Variants in ULK4 observed in about 807,000 individuals in gnomAD.
ULK4 encodes inactive serine/threonine-protein kinase ULK4.
ULK4 carries 133 observed loss-of-function variants against 160.6 expected under a neutral mutation model. The observed-to-expected ratio is 0.83, with a 90% confidence interval of 0.72 to 0.96. The LOEUF is 0.96. ULK4 is among the 40% of genes least tolerant of loss of function. The pLI is 0.00. For synonymous variants in ULK4, 534 were observed against 539.8 expected (o/e 0.99, Z 0.15); for missense variants, 1,580 against 1,499.5 (o/e 1.05, Z -0.89).
chr3:41,794,685 A>AAAAAAAAAAAC (rs1553654846), intron 20 of ULK4, among the ~76,000 whole-genome samples: 13 of 129,084 alleles, frequency 1.0e-4, no homozygotes, highest in Admixed American at 2.3e-4. Flanking sequence ...AAAAAAAAAA[A>AAAAAAAAAAAC]ACACAGAAAA....
rs2040095887 is a variant in ULK4, at chr3:41,789,821, TG to T, written c.2032del (p.His678IlefsTer15). The T allele has an allele frequency of 6.2e-7, 1 of 1,611,644 alleles. No individual in the cohort carries two copies. The highest frequency in any genetic ancestry group is 1.3e-5 in the African/African-American group (1 of 74,900). ...AVSALCRITRHSPTAFQNVIE... is the reference protein window; with the variant it reads ...AVSALCRITRXSPTAFQNVIE... Reference sequence around the variant, plus strand: ...AACATTCTGGAAGGCAGTAGGAGAATGGCGAGTGATTCTACACAAGGCCTAC... The same window carrying T: ...AACATTCTGGAAGGCAGTAGGAGAATGCGAGTGATTCTACACAAGGCCTAC... On this transcript the variant is annotated frameshift_variant, in exon 21 of 37. Transcript: ENST00000301831. LOFTEE classifies it high-confidence loss of function.
chr3:41,284,789 A>C (rs1414277498), intron 35 of ULK4, among the ~76,000 whole-genome samples: 4 of 152,224 alleles, frequency 2.6e-5, no homozygotes, highest in Admixed American at 2.6e-4. Flanking sequence ...CAAAAGGAAC[A>C]GTGGGCAGAG....
intron 34 of ULK4, among the ~76,000 whole-genome samples, chr3:41,429,810 C>T (rs57918351): frequency 0.31 from 46,623 of 151,814 alleles, 7,331 homozygotes; most frequent in African/African-American, 0.33. Context: ...GGCTTAATAC[C>T]TAAGTGATGG....
intron 21 of ULK4, among the ~76,000 whole-genome samples, chr3:41,768,971 T>G (rs899679895): frequency 1.3e-5 from 2 of 152,186 alleles, no homozygotes; most frequent in Non-Finnish European, 1.5e-5. Context: ...AAAAAAATCC[T>G]AAGTCAAGCC....
chr3:41,853,901 C>G (rs576484234), intron 17 of ULK4, among the ~76,000 whole-genome samples: 3 of 152,206 alleles, frequency 2.0e-5, no homozygotes, highest in Non-Finnish European at 4.4e-5. Flanking sequence ...TGCATGTTTA[C>G]TTTCCACACA....
intron 32 of ULK4, among the ~76,000 whole-genome samples, chr3:41,495,589 G>A (rs7374081): frequency 0.38 from 55,952 of 147,530 alleles, 10,917 homozygotes; most frequent in Non-Finnish European, 0.41. Context: ...GGATCTAATT[G>A]AACTAAAGAG....
chr3:41,784,463 G>A (rs546844759), intron 21 of ULK4, among the ~76,000 whole-genome samples: 1 of 152,212 alleles, frequency 6.6e-6, no homozygotes, highest in South Asian at 2.1e-4. Context: ...AGTGTTTAGG[G>A]GGAAAAATGG....
chr3:41,956,794 C>A (rs1700499843), intron 1 of ULK4, among the ~76,000 whole-genome samples: 1 of 152,166 alleles, frequency 6.6e-6, no homozygotes, highest in Admixed American at 6.5e-5. Context: ...CATAGCCACA[C>A]CCATTCATTT....
intron 32 of ULK4, among the ~76,000 whole-genome samples, chr3:41,500,968 T>G (rs1171328709): frequency 1.3e-5 from 2 of 152,202 alleles, no homozygotes; most frequent in Non-Finnish European, 2.9e-5. Context: ...TACATTGTTT[T>G]AAGGTCTACA....
intron 30 of ULK4, among the ~76,000 whole-genome samples, chr3:41,658,961 A>T (rs1055385311): frequency 1.3e-5 from 2 of 152,216 alleles, no homozygotes; most frequent in African/African-American, 4.8e-5. Context: ...GCACAAGGGA[A>T]CTTTTTGGAA....
intron 35 of ULK4, among the ~76,000 whole-genome samples, chr3:41,351,633 C>G (rs975178581): frequency 3.3e-5 from 5 of 152,208 alleles, no homozygotes; most frequent in African/African-American, 1.2e-4. Flanking sequence ...AAGAGCCTCA[C>G]TGGCTGCTTA....
intron 32 of ULK4, among the ~76,000 whole-genome samples, chr3:41,498,684 C>A (rs2085081178): frequency 6.6e-6 from 1 of 152,012 alleles, no homozygotes; most frequent in African/African-American, 2.4e-5. Context: ...CAAGCTCTGC[C>A]TCCTGGGTTC....
chr3:41,690,854 T>G (rs1372969608), intron 27 of ULK4, among the ~76,000 whole-genome samples: 2 of 151,904 alleles, frequency 1.3e-5, no homozygotes, highest in African/African-American at 2.4e-5. Context: ...AGGGGGGTAC[T>G]TCCCTCATAA....
At chr3:41,381,800 A>G (rs1376622004) in intron 35 of ULK4, among the ~76,000 whole-genome samples, 2 of 151,944 alleles carry the variant, frequency 1.3e-5, no homozygotes, top group Admixed American at 6.6e-5. Flanking sequence ...CTTCCACTTC[A>G]CTGGGGATAA....
At chr3:41,607,676 T>C (rs2032443760) in intron 31 of ULK4, among the ~76,000 whole-genome samples, 1 of 152,184 alleles carries the variant, frequency 6.6e-6, no homozygotes, top group Admixed American at 6.5e-5. Flanking sequence ...TTTCCACATA[T>C]TATAAAGTTG....
At chr3:41,739,886 A>G (rs954314798) in intron 22 of ULK4, among the ~76,000 whole-genome samples, 8 of 151,904 alleles carry the variant, frequency 5.3e-5, no homozygotes, top group African/African-American at 1.5e-4. Flanking sequence ...ATGATGCTGA[A>G]TATCTATTCA....
intron 25 of ULK4, among the ~76,000 whole-genome samples, chr3:41,706,381 T>C (rs2036883530): frequency 6.9e-6 from 1 of 144,854 alleles, no homozygotes; most frequent in Non-Finnish European, 1.5e-5. Context: ...ATTTAATATA[T>C]ATATTTATAT....
At chr3:41,729,343 T>C (rs6778699) in intron 22 of ULK4, among the ~76,000 whole-genome samples, 20,309 of 152,168 alleles carry the variant, frequency 0.13, 4,418 homozygotes, top group African/African-American at 0.46. Context: ...ACGGGCCAAT[T>C]GCAGTTCAGG....
chr3:41,301,012 C>T (rs2079785245), intron 35 of ULK4, among the ~76,000 whole-genome samples: 1 of 151,406 alleles, frequency 6.6e-6, no homozygotes, highest in Non-Finnish European at 1.5e-5. Flanking sequence ...ATTCCTCAGG[C>T]TCAGGGACTT....
Sources: allele counts gnomAD v4.1 joint callset (sites outside exome capture counted in the v4.1 genomes callset), GRCh38; gene constraint gnomAD v4.1.1; transcripts MANE v1.5; gene names NCBI Gene and HGNC (gene_info 2026-07-23, HGNC 2026-07-21).